PTPRO: variants seen among roughly 807,000 people sequenced by gnomAD.
PTPRO encodes the protein protein tyrosine phosphatase receptor type O, also known as receptor-type tyrosine-protein phosphatase O.
Under a neutral mutation model 145.2 loss-of-function variants are expected in PTPRO, and 62 were observed. The ratio of observed to expected loss-of-function variants is 0.43; its 90% confidence interval spans 0.35 to 0.53. The LOEUF is 0.53. Ranked by LOEUF, PTPRO falls within the 20% of genes least tolerant of loss-of-function variation. The pLI is 0.01. For synonymous variants in PTPRO, 565 were observed against 514.7 expected (o/e 1.10, Z -1.32); for missense variants, 1,345 against 1,482.7 (o/e 0.91, Z 1.53).
chr12:15,557,586 G>T, intron 16 of PTPRO, 63 bp downstream of exon 16: 1 of 1,447,496 alleles, frequency 6.9e-7, no homozygotes, highest in South Asian at 1.1e-5. Flanking sequence ...CTCCAAAGTC[G>T]ATTTTACTAT....
At chr12:15,394,641 A>G (rs1939285548) in intron 1 of PTPRO, among the ~76,000 whole-genome samples, 1 of 152,206 alleles carries the variant, frequency 6.6e-6, no homozygotes, top group Non-Finnish European at 1.5e-5. Flanking sequence ...TCCTTTTGCC[A>G]TGCAGTACGA....
rs186587029 is a variant in PTPRO at position 15,464,812 on chromosome 12, A to G, written c.76-19162A>G. ...TCTTATGAACAGAGGCTTTCAAATA[A>G]TAGGCAAATGTGTGAAAAGAGACTT... On this transcript the variant is annotated intron_variant, in intron 1 of 26. Transcript: ENST00000281171. 9.1e-4 allele frequency among the ~76,000 whole-genome samples: 138 copies of G among 152,298 alleles called. 2 individuals are homozygous for G. The highest frequency in any genetic ancestry group is 4.3e-4 in the Non-Finnish European group (29 of 68,010).
At chr12:15,429,097 A>C (rs1940362006) in intron 1 of PTPRO, among the ~76,000 whole-genome samples, 1 of 152,162 alleles carries the variant, frequency 6.6e-6, no homozygotes, top group Non-Finnish European at 1.5e-5. Flanking sequence ...GAAAACAATG[A>C]AGAGTATTTG....
At chr12:15,555,438 GA>G (rs1943595730) in intron 15 of PTPRO, among the ~76,000 whole-genome samples, 2 of 152,180 alleles carry the variant, frequency 1.3e-5, no homozygotes, top group South Asian at 4.1e-4. Flanking sequence ...ACAACTAAGG[GA>G]GTGTGGTGGC....
chr12:15,588,557 T>A (rs1182853661), intron 24 of PTPRO, among the ~76,000 whole-genome samples: 2 of 152,088 alleles, frequency 1.3e-5, no homozygotes, highest in Non-Finnish European at 2.9e-5. Context: ...TTCATTTGAT[T>A]TTAAGGCAAC....
chr12:15,508,309 A>C (rs1456163038), intron 6 of PTPRO, among the ~76,000 whole-genome samples: 1 of 152,162 alleles, frequency 6.6e-6, no homozygotes, highest in African/African-American at 2.4e-5. Context: ...ATTTACCAGA[A>C]TACTCTCACA....
intron 1 of PTPRO, among the ~76,000 whole-genome samples, chr12:15,340,674 T>C (rs762595654): frequency 3.9e-5 from 6 of 152,230 alleles, no homozygotes; most frequent in Non-Finnish European, 7.3e-5. Context: ...TGGGGAGAAC[T>C]GGTGTTTTAA....
intron 1 of PTPRO, among the ~76,000 whole-genome samples, chr12:15,399,559 T>A (rs1479059841): frequency 6.6e-6 from 1 of 152,178 alleles, no homozygotes; most frequent in Non-Finnish European, 1.5e-5. Flanking sequence ...CCATTTCTGT[T>A]TTCATTTACT....
At chr12:15,435,691 A>G (rs1591809276) in intron 1 of PTPRO, among the ~76,000 whole-genome samples, 1 of 152,076 alleles carries the variant, frequency 6.6e-6, no homozygotes, top group African/African-American at 2.4e-5. Flanking sequence ...TTTCTGAGAA[A>G]TGTTGGTCCA....
At chr12:15,418,811 C>A (rs1482867637) in intron 1 of PTPRO, among the ~76,000 whole-genome samples, 1 of 151,478 alleles carries the variant, frequency 6.6e-6, no homozygotes, top group African/African-American at 2.4e-5. Context: ...TTTTTTTTCC[C>A]CTAAGCCTAA....
intron 1 of PTPRO, among the ~76,000 whole-genome samples, chr12:15,343,619 T>G (rs1313608237): frequency 2.6e-5 from 4 of 152,102 alleles, no homozygotes; most frequent in Admixed American, 1.3e-4. Context: ...GCACAGGAAG[T>G]CGGGGTTGCA....
chr12:15,523,999 A>G (rs1000761140), intron 10 of PTPRO, among the ~76,000 whole-genome samples: 3 of 151,606 alleles, frequency 2.0e-5, no homozygotes, highest in East Asian at 2.0e-4. Context: ...GGGTTTTGCT[A>G]TGTTGCACAG....
At chr12:15,560,362 C>T (rs533029818) in intron 17 of PTPRO, 86 bp downstream of exon 17, 1 of 1,057,632 alleles carries the variant, frequency 9.5e-7, no homozygotes, top group East Asian at 2.4e-5. Context: ...TTCTTTTTAA[C>T]TATTTTGTAT....
At chr12:15,522,695 T>G (rs1942750229) in intron 10 of PTPRO, among the ~76,000 whole-genome samples, 1 of 152,218 alleles carries the variant, frequency 6.6e-6, no homozygotes, top group Non-Finnish European at 1.5e-5. Flanking sequence ...GTCTACCATC[T>G]TTGTTAGGCA....
intron 5 of PTPRO, 43 bp downstream of exon 5, chr12:15,502,106 G>A (rs1233783430): frequency 9.8e-6 from 15 of 1,535,890 alleles, no homozygotes; most frequent in Non-Finnish European, 1.4e-5. Flanking sequence ...CTGATACAAA[G>A]GAAGGGGAAT....
chr12:15,446,037 ACAGTGAAC>A (rs1219385654), intron 1 of PTPRO, among the ~76,000 whole-genome samples: 1 of 152,158 alleles, frequency 6.6e-6, no homozygotes, highest in African/African-American at 2.4e-5. Context: ...GATTTTTTAA[ACAGTGAAC>A]CACTCATTAC....
rs1215644256 is a variant in PTPRO, at chr12:15,597,833, C to T, written c.*1760C>T. Among the ~76,000 whole-genome samples the T allele has an allele frequency of 1.1e-4, 16 of 152,218 alleles. No individual in the cohort carries two copies. Among genetic ancestry groups the T allele is most frequent in the Admixed American group, 9.8e-4 (15 of 15,290 alleles). On this transcript the variant is annotated 3_prime_UTR_variant, in exon 27 of 27. Transcript: ENST00000281171. Reference sequence around the variant, plus strand: ...CTTTTTGGACATTTTAATAATGTGTCGCACCATTCTCAGGAACAAACATGG... The same window carrying T: ...CTTTTTGGACATTTTAATAATGTGTTGCACCATTCTCAGGAACAAACATGG...
chr12:15,366,237 T>C (rs1187295872), intron 1 of PTPRO, among the ~76,000 whole-genome samples: 1 of 152,174 alleles, frequency 6.6e-6, no homozygotes, highest in Non-Finnish European at 1.5e-5. Flanking sequence ...TAGAAATACT[T>C]TCGGTTGCTA....
chr12:15,482,387 G>T (rs1468451822), intron 1 of PTPRO, among the ~76,000 whole-genome samples: 1 of 151,602 alleles, frequency 6.6e-6, no homozygotes, highest in African/African-American at 2.4e-5. Flanking sequence ...GGAGAGAGAG[G>T]GGGACAGCCA....
Sources: allele counts gnomAD v4.1 joint callset (sites outside exome capture counted in the v4.1 genomes callset), GRCh38; gene constraint gnomAD v4.1.1; transcripts MANE v1.5; gene names NCBI Gene and HGNC (gene_info 2026-07-23, HGNC 2026-07-21).